The following TNIK variants were observed in gnomAD, a reference collection of about 807,000 sequenced individuals.
The protein encoded by TNIK is TRAF2 and NCK-interacting protein kinase.
Under a neutral mutation model 191.3 loss-of-function variants are expected in TNIK, and 49 were observed. That is an observed-to-expected ratio of 0.26 (90% CI 0.20 to 0.32). TNIK has a LOEUF of 0.32. Ranked by LOEUF, TNIK falls within the 10% of genes least tolerant of loss-of-function variation. The pLI, the probability that TNIK is intolerant of heterozygous loss-of-function variation, is 1.00. For missense variants in TNIK, 1,155 were observed against 1,702.3 expected, an observed-to-expected ratio of 0.68 and a Z score of 5.66; for synonymous variants, 594 against 600.9, an observed-to-expected ratio of 0.99 and a Z score of 0.17.
chr3:171,281,881 G>A (rs1750464775), intron 2 of TNIK, among the ~76,000 whole-genome samples: 1 of 152,210 alleles, frequency 6.6e-6, no homozygotes, highest in South Asian at 2.1e-4. Flanking sequence ...GCCCAGTCTG[G>A]CTGATGCCTT....
chr3:171,110,815 C>T lies in TNIK; in HGVS notation c.2183G>A (p.Gly728Asp). ...AGGGGTGCTGGAGCTGGAGGAACTGCCACTGCTGGTCCTCTGCAAGGGGCT... is the reference window on the plus strand; with the variant it reads ...AGGGGTGCTGGAGCTGGAGGAACTGTCACTGCTGGTCCTCTGCAAGGGGCT... ...LESPLQRTSS[G>D]SSSSSSTPSS... The change falls in exon 19 of 33, where the codon GGC becomes GAC. Residue 728 changes from glycine to aspartate, a missense_variant. Around this residue, in one of 3 missense-constraint regions of TNIK, gnomAD observed 735 missense variants for 848.0 expected, o/e 0.87. Transcript: ENST00000436636. The T allele has an allele frequency of 6.2e-7, 1 of 1,604,518 alleles. No individual in the cohort carries two copies. The highest frequency in any genetic ancestry group is 8.5e-7 in the Non-Finnish European group (1 of 1,175,972).
At chr3:171,357,935 A>C (rs1193882733) in intron 2 of TNIK, among the ~76,000 whole-genome samples, 1 of 152,070 alleles carries the variant, frequency 6.6e-6, no homozygotes, top group Non-Finnish European at 1.5e-5. Context: ...GGAACCTGTG[A>C]CTGGGGATGT....
At chr3:171,186,585 C>T (rs560373711) in intron 7 of TNIK, among the ~76,000 whole-genome samples, 38 of 152,348 alleles carry the variant, frequency 2.5e-4, no homozygotes, top group African/African-American at 8.4e-4. Context: ...CCTCCTCTTG[C>T]ACAACCTACA....
chr3:171,117,334 G>C (rs984358366), intron 18 of TNIK, among the ~76,000 whole-genome samples: 3 of 152,206 alleles, frequency 2.0e-5, no homozygotes, highest in African/African-American at 7.2e-5. Context: ...TGGTGCTTAA[G>C]AATGTAGACT....
chr3:171,452,172 A>T (rs1024225074), intron 1 of TNIK, among the ~76,000 whole-genome samples: 10 of 152,286 alleles, frequency 6.6e-5, no homozygotes, highest in African/African-American at 2.4e-4. Context: ...CGGTCTTCAA[A>T]AACTAGAACA....
At chr3:171,323,948 C>T (rs1293898135) in intron 2 of TNIK, among the ~76,000 whole-genome samples, 3 of 151,974 alleles carry the variant, frequency 2.0e-5, no homozygotes, top group Admixed American at 6.6e-5. Context: ...GTTTCTAATC[C>T]AACTATTATA....
chr3:171,209,185 A>T (rs1740487067), intron 4 of TNIK, among the ~76,000 whole-genome samples: 1 of 151,804 alleles, frequency 6.6e-6, no homozygotes. Flanking sequence ...TTAAAAAAAA[A>T]TCTTTGACAG....
intron 2 of TNIK, among the ~76,000 whole-genome samples, chr3:171,252,029 T>C (rs1463546015): frequency 6.6e-6 from 1 of 152,136 alleles, no homozygotes; most frequent in Non-Finnish European, 1.5e-5. Flanking sequence ...TTCTCTAAGG[T>C]AAATGTTCAT....
chr3:171,413,219 C>T (rs1284670766), intron 1 of TNIK, among the ~76,000 whole-genome samples: 1 of 151,986 alleles, frequency 6.6e-6, no homozygotes, highest in Non-Finnish European at 1.5e-5. Context: ...GTCCTTAAAT[C>T]TGATTCCAAA....
At chr3:171,425,218 GC>G (rs1724398023) in intron 1 of TNIK, among the ~76,000 whole-genome samples, 1 of 152,136 alleles carries the variant, frequency 6.6e-6, no homozygotes, top group Non-Finnish European at 1.5e-5. Flanking sequence ...CACAATTTAA[GC>G]CAGCTGCCAA....
chr3:171,356,601 G>A (rs1215719565), intron 2 of TNIK, among the ~76,000 whole-genome samples: 1 of 152,138 alleles, frequency 6.6e-6, no homozygotes, highest in Admixed American at 6.5e-5. Flanking sequence ...GCAATGGAAG[G>A]GCAGGGCAAA....
At chr3:171,092,539 A>G (rs950713422) in intron 23 of TNIK, among the ~76,000 whole-genome samples, 2 of 152,214 alleles carry the variant, frequency 1.3e-5, no homozygotes, top group African/African-American at 4.8e-5. Flanking sequence ...GAAATTATCC[A>G]TTAACCACAT....
chr3:171,239,316 A>G (rs1052147413), intron 2 of TNIK, among the ~76,000 whole-genome samples: 9 of 152,250 alleles, frequency 5.9e-5, no homozygotes, highest in African/African-American at 2.2e-4. Context: ...TTTATCCAAC[A>G]TAAGTTCTTC....
chr3:171,218,789 T>C (rs1223443145), intron 3 of TNIK, among the ~76,000 whole-genome samples: 1 of 143,514 alleles, frequency 7.0e-6, no homozygotes, highest in Non-Finnish European at 1.5e-5. Context: ...ATGCATATCA[T>C]TTACATATTA....
chr3:171,261,756 C>G (rs760711446), intron 2 of TNIK, among the ~76,000 whole-genome samples: 1 of 152,182 alleles, frequency 6.6e-6, no homozygotes, highest in African/African-American at 2.4e-5. Flanking sequence ...GAGGCACCCT[C>G]TTCTAATGAA....
At chr3:171,182,171 T>A (rs1172666160) in intron 7 of TNIK, among the ~76,000 whole-genome samples, 2 of 25,714 alleles carry the variant, frequency 7.8e-5, no homozygotes, top group Admixed American at 7.7e-4. Flanking sequence ...GTTAGGATTT[T>A]TTTTTTTTTT....
At chr3:171,405,370 CA>C (rs1721529478) in intron 1 of TNIK, among the ~76,000 whole-genome samples, 1 of 152,112 alleles carries the variant, frequency 6.6e-6, no homozygotes, top group African/African-American at 2.4e-5. Context: ...AATATAGAAA[CA>C]AGCAAGTAAC....
At chr3:171,197,352 C>T (rs921099175) in intron 4 of TNIK, among the ~76,000 whole-genome samples, 3 of 151,646 alleles carry the variant, frequency 2.0e-5, no homozygotes, top group African/African-American at 7.3e-5. Flanking sequence ...GCAATGGCTT[C>T]TTAGATATGA....
At chr3:171,147,000 A>C (rs920198257) in intron 12 of TNIK, among the ~76,000 whole-genome samples, 1 of 152,212 alleles carries the variant, frequency 6.6e-6, no homozygotes, top group African/African-American at 2.4e-5. Context: ...TAATCTTGCA[A>C]ATCTGTTCAT....
Sources: gnomAD v4.1 joint callset for allele counts (sites outside exome capture counted in the v4.1 genomes callset) on GRCh38, gnomAD v4.1.1 for gene constraint, gnomAD v4.1.1 regional missense constraint, MANE v1.5 for transcripts, NCBI Gene and HGNC (gene_info 2026-07-23, HGNC 2026-07-21) for gene names.